CHEK2: variants seen among roughly 807,000 people sequenced by gnomAD.
CHEK2 encodes the protein serine/threonine-protein kinase Chk2.
A neutral mutation model predicts 69.1 loss-of-function variants in CHEK2; 71 were observed. The ratio of observed to expected loss-of-function variants is 1.03; its 90% CI spans 0.85 to 1.25. The LOEUF is 1.25. Among genes scored for constraint, CHEK2 ranks in the 50% most tolerant of loss-of-function variants. CHEK2 has a pLI of 0.00. For missense variants in CHEK2, 664 were observed against 649.6 expected (o/e 1.02, Z -0.24); for synonymous variants, 189 against 226.9 (o/e 0.83, Z 1.50).
chr22:28,694,492 C>T (rs942434399), intron 12 of CHEK2, among the ~76,000 whole-genome samples: 2 of 152,120 alleles, frequency 1.3e-5, no homozygotes, highest in African/African-American at 2.4e-5. Context: ...AGTTACTCAG[C>T]GAGGGAGAGG....
At chr22:28,695,925 G>A (rs2052569591) in intron 10 of CHEK2, 52 bp from the exon 11 acceptor site, 20 of 1,436,028 alleles carry the variant, frequency 1.4e-5, no homozygotes, top group East Asian at 2.3e-5. Context: ...AAAATAAAAA[G>A]ATTAACATAG....
At chr22:28,713,916 G>A (rs1182173764) in intron 5 of CHEK2, among the ~76,000 whole-genome samples, 1 of 150,114 alleles carries the variant, frequency 6.7e-6, no homozygotes, top group Non-Finnish European at 1.5e-5. Flanking sequence ...CCTGACCTCA[G>A]GTTATCTACC....
At chr22:28,697,572 CT>C (rs747898649) in intron 9 of CHEK2, among the ~76,000 whole-genome samples, 2,261 of 145,158 alleles carry the variant, frequency 0.016, 45 homozygotes, top group African/African-American at 0.052. Flanking sequence ...TTTCTTTTCT[CT>C]TTTTTTTTTT....
rs199723642 is a variant in CHEK2, at chr22:28,718,013, G to A, written c.683+1382C>T. Among the ~76,000 whole-genome samples, 28 of 152,242 alleles carry A rather than the reference G, an allele frequency of 1.8e-4. No homozygotes were observed. In the East Asian group the frequency reaches 4.6e-3, roughly 25 times the overall value. ...GAAGAATCGCTTGAACCCGGGAGGC[G>A]GAGGTTGCAGTGGGCCAAGATCACG... On this transcript the variant is annotated intron_variant, in intron 5 of 14. Coordinates refer to ENST00000404276, the MANE Select transcript of CHEK2 (RefSeq NM_007194.4).
intron 7 of CHEK2, among the ~76,000 whole-genome samples, chr22:28,705,619 T>C (rs1050794914): frequency 1.3e-5 from 2 of 152,008 alleles, no homozygotes; most frequent in South Asian, 2.1e-4. Flanking sequence ...GGGATACACA[T>C]ATATGTGGCT....
chr22:28,719,389 A>C lies in CHEK2; in HGVS notation c.683+6T>G, dbSNP rs757664495. 1 of 1,523,338 alleles carries C rather than the reference A, an allele frequency of 6.6e-7. No homozygotes were observed. Among genetic ancestry groups the C allele is most frequent in the African/African-American group, 1.4e-5 (1 of 72,766 alleles). 94.4% of individuals were successfully genotyped at this position (1,523,338 alleles called of 1,614,324 possible). On this transcript the variant is annotated splice_donor_region_variant and intron_variant, in intron 5 of 14. Coordinates refer to ENST00000404276, the MANE Select transcript of CHEK2 (RefSeq NM_007194.4). ...TTAAGTGCATTTATATAAGAAAATA[A>C]TTTACCTTCCAAGAGTTTTTGACAT...
At chr22:28,690,857 G>A (rs530743476) in intron 13 of CHEK2, among the ~76,000 whole-genome samples, 116 of 147,762 alleles carry the variant, frequency 7.9e-4, no homozygotes, top group Middle Eastern at 3.4e-3. Context: ...GGAGGGGAAA[G>A]GAATGGAGGA....
chr22:28,719,350 G>T, intron 5 of CHEK2, 45 bp downstream of exon 5: 1 of 1,039,380 alleles, frequency 9.6e-7, no homozygotes, highest in Non-Finnish European at 1.4e-6. Flanking sequence ...AATCACAAAT[G>T]TATAGTGAAA....
At chr22:28,719,590 C>T in intron 4 of CHEK2, 105 bp from the exon 5 acceptor site, 1 of 692,958 alleles carries the variant, frequency 1.4e-6, no homozygotes, top group South Asian at 1.7e-5. Flanking sequence ...CTGTTTTTAA[C>T]TACATTTAAC....
At chr22:28,696,039 C>T (rs1405883621) in intron 10 of CHEK2, among the ~76,000 whole-genome samples, 166 bp from the exon 11 acceptor site, 1 of 152,194 alleles carries the variant, frequency 6.6e-6, no homozygotes, top group Non-Finnish European at 1.5e-5. Flanking sequence ...CAAGTTAGGA[C>T]ATTTAATTTT....
In CHEK2 at chr22:28,695,233, C is replaced by A. The variant is rs749368980; in HGVS notation, c.1269G>T (p.Gly423=). Residue 423 remains glycine (G), a synonymous_variant, in exon 12 of 15, where the codon GGG becomes GGT. Coordinates refer to ENST00000404276, the MANE Select transcript of CHEK2 (RefSeq NM_007194.4). ...LGVILFICLS[G]YPPFSEHRTQ... ...TCCTATGCTCAGAGAAAGGTGGATA[C>A]CCACTAAGGCTTAATATTGGTAGAG... The A allele has an allele frequency of 6.3e-7, 1 of 1,582,506 alleles. No homozygotes were observed. The highest frequency in any genetic ancestry group is 1.3e-5 in the African/African-American group (1 of 74,188).
intron 6 of CHEK2, among the ~76,000 whole-genome samples, chr22:28,710,696 C>T (rs2053362551): frequency 6.6e-6 from 1 of 152,074 alleles, no homozygotes; most frequent in Non-Finnish European, 1.5e-5. Context: ...TGGGCTACAC[C>T]CTCCACAAGC....
At chr22:28,710,291 T>C (rs1369594604) in intron 6 of CHEK2, among the ~76,000 whole-genome samples, 1 of 152,126 alleles carries the variant, frequency 6.6e-6, no homozygotes, top group African/African-American at 2.4e-5. Context: ...TGTGCCAAGC[T>C]CTTTATTTAC....
chr22:28,713,216 C>T (rs1445350376), intron 5 of CHEK2, among the ~76,000 whole-genome samples: 2 of 152,150 alleles, frequency 1.3e-5, no homozygotes, highest in Non-Finnish European at 2.9e-5. Context: ...CACCTTCCGA[C>T]GGACATTTAT....
chr22:28,693,465 T>C (rs1287950330), intron 13 of CHEK2, among the ~76,000 whole-genome samples: 1 of 152,098 alleles, frequency 6.6e-6, no homozygotes, highest in Non-Finnish European at 1.5e-5. Context: ...CCTCCCCCAC[T>C]TCCCTGATTT....
intron 7 of CHEK2, among the ~76,000 whole-genome samples, chr22:28,706,550 C>T (rs144642777): frequency 0.016 from 2,458 of 152,208 alleles, 74 homozygotes; most frequent in African/African-American, 0.056. Flanking sequence ...CTCAAGCAAT[C>T]CTCCCACCTC....
chr22:28,734,800 G>C (rs2054345505), intron 1 of CHEK2, 73 bp from the exon 2 acceptor site: 1 of 1,214,848 alleles, frequency 8.2e-7, no homozygotes, highest in Non-Finnish European at 1.2e-6. Context: ...GTAAATGATG[G>C]GCCTATTACA....
intron 1 of CHEK2, among the ~76,000 whole-genome samples, chr22:28,739,733 A>T (rs2054505178): frequency 6.6e-6 from 1 of 152,112 alleles, no homozygotes; most frequent in Non-Finnish European, 1.5e-5. Flanking sequence ...ATACCATCTC[A>T]CCCAAGTTAA....
At chr22:28,703,401 T>A in intron 8 of CHEK2, 104 bp downstream of exon 8, 1 of 714,544 alleles carries the variant, frequency 1.4e-6, no homozygotes, top group Non-Finnish European at 2.5e-6. Context: ...CATACATACG[T>A]TGAGGCCCCC....
Sources: allele counts gnomAD v4.1 joint callset (sites outside exome capture counted in the v4.1 genomes callset), GRCh38; gene constraint gnomAD v4.1.1; transcripts MANE v1.5; gene names NCBI Gene and HGNC (gene_info 2026-07-23, HGNC 2026-07-21).